PTPRM: variants seen among roughly 807,000 people sequenced by gnomAD.
PTPRM encodes the protein receptor-type tyrosine-protein phosphatase mu.
In PTPRM, 47 loss-of-function variants were observed where a neutral mutation model predicts 186.7. The ratio of observed to expected loss-of-function variants is 0.25; its 90% CI spans 0.20 to 0.32. PTPRM has a LOEUF of 0.32. Among genes scored for constraint, PTPRM ranks in the 10% least tolerant of loss-of-function variants. The probability of loss-of-function intolerance (pLI) is 1.00; values close to 1 mark genes in which losing one functional copy is unlikely to be tolerated. For missense variants in PTPRM, 1,494 were observed against 1,865.0 expected (o/e 0.80, Z 3.66); for synonymous variants, 668 against 674.9 (o/e 0.99, Z 0.16).
At chr18:7,996,760 A>G (rs570040717) in intron 7 of PTPRM, among the ~76,000 whole-genome samples, 1 of 151,942 alleles carries the variant, frequency 6.6e-6, no homozygotes, top group Non-Finnish European at 1.5e-5. Context: ...ACAATCTGAA[A>G]ATGAAATCAA....
chr18:7,965,942 G>C (rs886849129), intron 7 of PTPRM, among the ~76,000 whole-genome samples: 1 of 152,166 alleles, frequency 6.6e-6, no homozygotes, highest in Non-Finnish European at 1.5e-5. Context: ...GGATAATGCT[G>C]CTTGTGCTTT....
At chr18:7,883,828 G>A (rs1215751857) in intron 2 of PTPRM, among the ~76,000 whole-genome samples, 1 of 152,168 alleles carries the variant, frequency 6.6e-6, no homozygotes, top group Non-Finnish European at 1.5e-5. Context: ...GAGGTGAACA[G>A]GGGGAAATAG....
intron 22 of PTPRM, among the ~76,000 whole-genome samples, chr18:8,336,927 A>G (rs779399894): frequency 4.0e-5 from 6 of 149,548 alleles, no homozygotes; most frequent in Non-Finnish European, 8.9e-5. Context: ...CAGTGAGCCA[A>G]GATCACGCCA....
At chr18:8,189,022 G>A (rs1009130838) in intron 14 of PTPRM, among the ~76,000 whole-genome samples, 3 of 152,150 alleles carry the variant, frequency 2.0e-5, no homozygotes, top group Non-Finnish European at 2.9e-5. Flanking sequence ...TCTCAGGGTT[G>A]AGGCTGGGCG....
intron 14 of PTPRM, among the ~76,000 whole-genome samples, chr18:8,155,230 C>G (rs189162888): frequency 1.3e-5 from 2 of 152,030 alleles, no homozygotes; most frequent in African/African-American, 2.4e-5. Context: ...ACATGTTTGA[C>G]AGAACTTAGT....
At chr18:7,923,163 A>G (rs1441642919) in intron 4 of PTPRM, among the ~76,000 whole-genome samples, 3 of 152,206 alleles carry the variant, frequency 2.0e-5, no homozygotes, top group Non-Finnish European at 2.9e-5. Context: ...TAGTGGCCGC[A>G]AGTGCAATAC....
intron 1 of PTPRM, among the ~76,000 whole-genome samples, chr18:7,644,842 G>A (rs2038524738): frequency 6.6e-6 from 1 of 151,992 alleles, no homozygotes; most frequent in Admixed American, 6.5e-5. Flanking sequence ...GATGATATAC[G>A]CTTATATCAG....
chr18:7,822,512 C>T (rs1877351001), intron 2 of PTPRM, among the ~76,000 whole-genome samples: 1 of 152,172 alleles, frequency 6.6e-6, no homozygotes, highest in Non-Finnish European at 1.5e-5. Context: ...GAGAATCTTG[C>T]ATATAAAATG....
At chr18:8,011,716 A>G (rs2084539489) in intron 7 of PTPRM, among the ~76,000 whole-genome samples, 1 of 152,196 alleles carries the variant, frequency 6.6e-6, no homozygotes, top group South Asian at 2.1e-4. Flanking sequence ...GAAAATTATC[A>G]CAGGTGACAT....
chr18:7,772,353 T>TTCTC (rs1568108077), intron 1 of PTPRM, among the ~76,000 whole-genome samples: 1 of 17,008 alleles, frequency 5.9e-5, no homozygotes, highest in Non-Finnish European at 1.5e-4. Flanking sequence ...TTCTTTCTCT[T>TTCTC]TCTTTCTTTC....
chr18:7,861,499 T>G (rs1399918770), intron 2 of PTPRM, among the ~76,000 whole-genome samples: 1 of 152,178 alleles, frequency 6.6e-6, no homozygotes, highest in Non-Finnish European at 1.5e-5. Context: ...TTGTACATAA[T>G]CAGCATTTTC....
Position 7,593,467 on chromosome 18 carries a change from A to G in PTPRM, c.73+25576A>G, listed in dbSNP as rs1598478485. 2.0e-5 allele frequency among the ~76,000 whole-genome samples: 3 copies of G among 152,174 alleles called. No individual in the cohort carries two copies. In the East Asian group the frequency reaches 5.8e-4, roughly 29 times the overall value. On this transcript the variant is annotated intron_variant, in intron 1 of 32. Transcript: ENST00000580170. Reference sequence around the variant, plus strand: ...CACATTATGGAAATGTACTTTTTCTATCAACAGAGTAGAATGAAACTCCAG... The same window carrying G: ...CACATTATGGAAATGTACTTTTTCTGTCAACAGAGTAGAATGAAACTCCAG...
intron 28 of PTPRM, 86 bp downstream of exon 28, chr18:8,379,426 A>G (rs2095717383): frequency 7.6e-7 from 1 of 1,318,468 alleles, no homozygotes; most frequent in Admixed American, 2.8e-5. Context: ...CATTCTGCTC[A>G]CCAGCCCTTT....
At chr18:8,334,230 G>A (rs182816166) in intron 22 of PTPRM, among the ~76,000 whole-genome samples, 2 of 152,304 alleles carry the variant, frequency 1.3e-5, no homozygotes, top group Admixed American at 1.3e-4. Context: ...AGAAGCCTTG[G>A]TTCTCTTATT....
chr18:7,879,799 A>C (rs2048412927), intron 2 of PTPRM, among the ~76,000 whole-genome samples: 1 of 152,144 alleles, frequency 6.6e-6, no homozygotes, highest in African/African-American at 2.4e-5. Context: ...TGATTTGTAG[A>C]ATGATCCATG....
In PTPRM at chr18:8,253,389, G is replaced by C. The variant is rs1437344011; in HGVS notation, c.2729G>C (p.Gly910Ala). ...ATCACACAGATGAAGTGTGCGGAGGGCTACGGCTTCAAGGAGGAATACGAG... is the reference window on the plus strand; with the variant it reads ...ATCACACAGATGAAGTGTGCGGAGGCCTACGGCTTCAAGGAGGAATACGAG... ...QHITQMKCAEGYGFKEEYESF... is the reference protein window; with the variant it reads ...QHITQMKCAEAYGFKEEYESF... The change falls in exon 19 of 33, where the codon GGC (glycine) becomes GCC (alanine). Residue 910 changes from glycine to alanine, a missense_variant. Coordinates refer to ENST00000580170, the MANE Select transcript of PTPRM (RefSeq NM_001105244.2). The C allele has an allele frequency of 3.2e-6, 5 of 1,544,718 alleles. No homozygotes were observed. The Admixed American group carries it at 8.0e-5, about 25-fold the overall frequency.
At chr18:8,279,152 C>G (rs191533484) in intron 19 of PTPRM, among the ~76,000 whole-genome samples, 1 of 151,670 alleles carries the variant, frequency 6.6e-6, no homozygotes, top group East Asian at 1.9e-4. Context: ...TTTTGAAGAT[C>G]ATATATCCTC....
At chr18:8,071,047 G>A (rs1158258828) in intron 8 of PTPRM, among the ~76,000 whole-genome samples, 2 of 152,170 alleles carry the variant, frequency 1.3e-5, no homozygotes, top group Non-Finnish European at 2.9e-5. Flanking sequence ...GAGTAGATGA[G>A]GAACTCACTG....
chr18:8,244,132 A>G lies in PTPRM; in HGVS notation c.2375A>G (p.Asp792Gly). The change falls in exon 15 of 33, where the codon GAC (aspartate) becomes GGC (glycine). Residue 792 changes from aspartate to glycine, a missense_variant. By Grantham distance (94) the Asp-to-Gly change is moderately conservative. Coordinates refer to ENST00000580170, the MANE Select transcript of PTPRM (RefSeq NM_001105244.2). ...QEMTVMVNSMDKSYAEQGTNC... is the reference protein window; with the variant it reads ...QEMTVMVNSMGKSYAEQGTNC... ...ATGACTGTGATGGTGAACTCAATGG[A>G]CAAGAGCTATGCTGAGCAGGGCACA... 1 of 1,611,102 alleles carries G rather than the reference A, an allele frequency of 6.2e-7. No homozygotes were observed. Among genetic ancestry groups the G allele is most frequent in the Non-Finnish European group, 8.5e-7 (1 of 1,179,042 alleles).
Sources: gnomAD v4.1 joint callset for allele counts (sites outside exome capture counted in the v4.1 genomes callset) on GRCh38, gnomAD v4.1.1 for gene constraint, MANE v1.5 for transcripts, NCBI Gene and HGNC (gene_info 2026-07-23, HGNC 2026-07-21) for gene names.